The following CCNI variants were observed in gnomAD, a reference collection of about 807,000 sequenced individuals.
The protein encoded by CCNI is cyclin I.
In CCNI, 14 loss-of-function variants were observed where a neutral mutation model predicts 34.1. The ratio of observed to expected loss-of-function variants is 0.41; its 90% CI spans 0.27 to 0.64. CCNI has a LOEUF of 0.64. CCNI is among the 30% of genes least tolerant of loss of function. The pLI, the probability that CCNI is intolerant of heterozygous loss-of-function variation, is 0.31. For missense variants in CCNI, 385 were observed against 440.5 expected, an observed-to-expected ratio of 0.87 and a Z score of 1.13; for synonymous variants, 154 against 158.4, an observed-to-expected ratio of 0.97 and a Z score of 0.21.
chr4:77,058,571 T>C lies in CCNI; in HGVS notation c.179A>G (p.Asn60Ser), dbSNP rs749953270. The C allele has an allele frequency of 8.7e-6, 14 of 1,613,202 alleles. No individual in the cohort carries two copies. In the Admixed American group the frequency reaches 1.0e-4, roughly 12 times the overall value. ...QWLAKLKYQF[N>S]LYPETFALAS... The stretch of plus-strand genomic sequence containing the variant: ...CAGAGCAAATGTTTCTGGGTAAAGG[T>C]TGAATTGGTACTTGAGTTTGGCCAG... The change falls in exon 3 of 7, where the codon AAC becomes AGC. Residue 60 changes from asparagine (N) to serine (S), a missense_variant. Asn to Ser is a conservative substitution (Grantham distance 46). Transcript: ENST00000237654.
At chr4:77,055,464 CTTT>C (rs11378505) in intron 5 of CCNI, 84 bp from the exon 6 acceptor site, 1,921 of 664,188 alleles carry the variant, frequency 2.9e-3, no homozygotes, top group Middle Eastern at 4.0e-3. Context: ...TATTCAATTT[CTTT>C]TTTTTTTTTT....
In CCNI at chr4:77,065,560, C is replaced by T. The variant is rs565154332; in HGVS notation, c.114+689G>A. On this transcript the variant is annotated intron_variant, in intron 2 of 6. Transcript: ENST00000237654. ...AGTAATTCACATGAACTCCTTACCGCTAATGATGAAAGAGTAGGTTTTTAG... is the reference window on the plus strand; with the variant it reads ...AGTAATTCACATGAACTCCTTACCGTTAATGATGAAAGAGTAGGTTTTTAG... Among the ~76,000 whole-genome samples the T allele has an allele frequency of 7.2e-5, 11 of 152,272 alleles. No homozygotes were observed. In the East Asian group the frequency reaches 1.3e-3, roughly 19 times the overall value.
chr4:77,073,819 TAATG>T (rs1368998714), intron 1 of CCNI, among the ~76,000 whole-genome samples: 10 of 152,230 alleles, frequency 6.6e-5, no homozygotes, highest in Admixed American at 5.9e-4. Flanking sequence ...CCTTTCCTAA[TAATG>T]AATTCTTTGA....
chr4:77,058,726 T>A, intron 2 of CCNI, 91 bp from the exon 3 acceptor site: 1 of 984,694 alleles, frequency 1.0e-6, no homozygotes, highest in East Asian at 2.5e-5. Flanking sequence ...GGTTAGGTAA[T>A]ACTACAAAAT....
chr4:77,070,889 A>G (rs1392504968), intron 1 of CCNI, among the ~76,000 whole-genome samples: 1 of 152,208 alleles, frequency 6.6e-6, no homozygotes, highest in Non-Finnish European at 1.5e-5. Context: ...CCATCTGACA[A>G]GAGATATTTA....
chr4:77,050,997 T>A (rs1296273221), intron 6 of CCNI, among the ~76,000 whole-genome samples: 2 of 152,146 alleles, frequency 1.3e-5, no homozygotes, highest in African/African-American at 4.8e-5. Context: ...GTCTCTTATA[T>A]AAAATAATGT....
intron 3 of CCNI, among the ~76,000 whole-genome samples, chr4:77,057,180 CAT>C: frequency 6.6e-6 from 1 of 152,186 alleles, no homozygotes; most frequent in Non-Finnish European, 1.5e-5. Flanking sequence ...CTCTCTACTA[CAT>C]CTAACCTACT....
At chr4:77,073,356 CTCT>C (rs1387985282) in intron 1 of CCNI, among the ~76,000 whole-genome samples, 1 of 152,190 alleles carries the variant, frequency 6.6e-6, no homozygotes, top group Non-Finnish European at 1.5e-5. Flanking sequence ...CCCCCTGCTC[CTCT>C]GAGGAAAAGT....
chr4:77,063,346 A>ATT (rs1728754849), intron 2 of CCNI, among the ~76,000 whole-genome samples: 1 of 50,288 alleles, frequency 2.0e-5, no homozygotes, highest in South Asian at 8.5e-4. Flanking sequence ...AAGGGAGGTA[A>ATT]AAAAAAAAAA....
Position 77,047,540 on chromosome 4 carries a change from A to C in CCNI, c.*679T>G, listed in dbSNP as rs1727516210. 1 of 152,226 alleles carries C rather than the reference A, an allele frequency of 6.6e-6. No individual in the cohort carries two copies. The highest frequency in any genetic ancestry group is 6.5e-5 in the Admixed American group (1 of 15,282). 9.4% of individuals were successfully genotyped at this position (152,226 alleles called of 1,614,324 possible). A position where few individuals can be genotyped will look rare whatever the true frequency, so the allele number is the denominator to read the frequency against. On this transcript the variant is annotated 3_prime_UTR_variant, in exon 7 of 7. Coordinates refer to ENST00000237654, the MANE Select transcript of CCNI (RefSeq NM_006835.3). The stretch of plus-strand genomic sequence containing the variant: ...ACAAATGTCGAAAATGCTTTCAACA[A>C]ACCTAAGTGTCCTAATTACATGCCA...
intron 2 of CCNI, among the ~76,000 whole-genome samples, chr4:77,064,200 G>A (rs913000546): frequency 1.3e-5 from 2 of 151,580 alleles, no homozygotes; most frequent in Non-Finnish European, 2.9e-5. Context: ...CCGAGATCAT[G>A]CCATTGCACT....
At chr4:77,051,720 G>T (rs1727853534) in intron 6 of CCNI, among the ~76,000 whole-genome samples, 1 of 152,062 alleles carries the variant, frequency 6.6e-6, no homozygotes, top group African/African-American at 2.4e-5. Context: ...CAAAACTCTC[G>T]ACACCAGACA....
rs1391567131 is a variant in CCNI at position 77,075,530 on chromosome 4, T to C, written c.-102A>G. The C allele has an allele frequency of 9.1e-6, 9 of 988,306 alleles. No individual in the cohort carries two copies. Among genetic ancestry groups the C allele is most frequent in the Admixed American group, 6.1e-5 (1 of 16,272 alleles). The allele number at this position is 988,306 out of a possible 1,614,324, so 61.2% of individuals were successfully genotyped here. On this transcript the variant is annotated 5_prime_UTR_variant, in exon 1 of 7. Coordinates refer to ENST00000237654, the MANE Select transcript of CCNI (RefSeq NM_006835.3). ...GGCAGAGCTGTAGGCCTCACAGTGG[T>C]GACGCGGGGTCATCCGGGGGCCCGT...
At position 77,048,674 on chromosome 4, in the gene CCNI, A is replaced by C. The variant is rs540335989; in HGVS notation, c.691-12T>G. 1 of 1,440,172 alleles carries C rather than the reference A, an allele frequency of 6.9e-7. No individual in the cohort carries two copies. Among genetic ancestry groups the C allele is most frequent in the Non-Finnish European group, 9.2e-7 (1 of 1,081,624 alleles). The allele number at this position is 1,440,172 out of a possible 1,614,324, so 89.2% of individuals were successfully genotyped here. On this transcript the variant is annotated splice_polypyrimidine_tract_variant and intron_variant, in intron 6 of 6. Coordinates refer to ENST00000237654, the MANE Select transcript of CCNI (RefSeq NM_006835.3). ...TGGGAGCTATCCATCTGGGCCAGGAAAAAAAAAAAGCCACACACAGTTGAT... is the reference window on the plus strand; with the variant it reads ...TGGGAGCTATCCATCTGGGCCAGGACAAAAAAAAAGCCACACACAGTTGAT...
At chr4:77,060,893 G>A (rs1454172092) in intron 2 of CCNI, among the ~76,000 whole-genome samples, 1 of 151,858 alleles carries the variant, frequency 6.6e-6, no homozygotes, top group African/African-American at 2.4e-5. Context: ...CCAAAGTGCT[G>A]GGATTACAGA....
chr4:77,071,467 C>A lies in CCNI; in HGVS notation c.-44+4005G>T, dbSNP rs116298760. Among the ~76,000 whole-genome samples the A allele has an allele frequency of 3.4e-3, 522 of 152,150 alleles. 6 individuals carry two copies. Among genetic ancestry groups the A allele is most frequent in the Non-Finnish European group, 2.8e-3 (189 of 67,992 alleles). Reference sequence around the variant, plus strand: ...AATGGAAAAAGAAGAGTAAACTGTTCCTAAAGCAAGACAGAAGCAAGGAAA... The same window carrying A: ...AATGGAAAAAGAAGAGTAAACTGTTACTAAAGCAAGACAGAAGCAAGGAAA... On this transcript the variant is annotated intron_variant, in intron 1 of 6. Transcript: ENST00000237654.
intron 1 of CCNI, among the ~76,000 whole-genome samples, chr4:77,068,461 A>T (rs139427142): frequency 5.4e-4 from 82 of 152,318 alleles, no homozygotes; most frequent in African/African-American, 1.7e-3. Flanking sequence ...TCTCAAACTG[A>T]AATGTCAAAA....
chr4:77,060,606 G>A (rs1010645467), intron 2 of CCNI, among the ~76,000 whole-genome samples: 3 of 149,698 alleles, frequency 2.0e-5, no homozygotes, highest in South Asian at 2.1e-4. Flanking sequence ...CCAGAGGTAC[G>A]TGCCACCAGG....
chr4:77,063,839 T>C (rs985135830), intron 2 of CCNI, among the ~76,000 whole-genome samples: 1 of 152,184 alleles, frequency 6.6e-6, no homozygotes, highest in Admixed American at 6.5e-5. Context: ...ATATGGCTTC[T>C]ACTTGGCATT....
Sources: allele counts gnomAD v4.1 joint callset (sites outside exome capture counted in the v4.1 genomes callset), GRCh38; gene constraint gnomAD v4.1.1; transcripts MANE v1.5; gene names NCBI Gene and HGNC (gene_info 2026-07-23, HGNC 2026-07-21).